The following IGSF23 variants were observed in gnomAD, a reference collection of about 807,000 sequenced individuals.
IGSF23 encodes the protein immunoglobulin superfamily, member 23.
In IGSF23, 14 loss-of-function variants were observed where a neutral mutation model predicts 17.8. The ratio of observed to expected loss-of-function variants is 0.79; its 90% confidence interval spans 0.52 to 1.23. The LOEUF is 1.23. Ranked by LOEUF, IGSF23 falls within the 50% of genes most tolerant of loss-of-function variation. The probability of loss-of-function intolerance (pLI) is 0.00; values close to 1 mark genes in which losing one functional copy is unlikely to be tolerated. For missense variants in IGSF23, 214 were observed against 241.7 expected, an observed-to-expected ratio of 0.89 and a Z score of 0.76; for synonymous variants, 85 against 92.5, an observed-to-expected ratio of 0.92 and a Z score of 0.46.
At chr19:44,633,451 A>G (rs1171499577) in intron 3 of IGSF23, among the ~76,000 whole-genome samples, 4 of 152,222 alleles carry the variant, frequency 2.6e-5, no homozygotes, top group African/African-American at 9.6e-5. Context: ...TGAAGGATAT[A>G]TAATTGTTCT....
At chr19:44,614,313 A>G (rs1258312544) in intron 1 of IGSF23, among the ~76,000 whole-genome samples, 1 of 152,248 alleles carries the variant, frequency 6.6e-6, no homozygotes, top group African/African-American at 2.4e-5. Flanking sequence ...TCACCCCTGC[A>G]ATCCGCAACT....
intron 1 of IGSF23, among the ~76,000 whole-genome samples, chr19:44,615,361 G>A (rs939325623): frequency 2.1e-5 from 3 of 145,136 alleles, no homozygotes; most frequent in Admixed American, 1.4e-4. Flanking sequence ...GGATTACAAA[G>A]TGCTGTAATC....
intron 3 of IGSF23, 35 bp from the exon 4 acceptor site, chr19:44,635,366 C>A: frequency 6.8e-7 from 1 of 1,462,730 alleles, no homozygotes; most frequent in Admixed American, 2.0e-5. Context: ...CTCTCTCTCT[C>A]TCTCTCTCTG....
At position 44,627,577 on chromosome 19, in the gene IGSF23, C is replaced by A; in HGVS notation, c.545+4C>A. 2 of 1,547,368 alleles carry A rather than the reference C, an allele frequency of 1.3e-6. No homozygotes were observed. The highest frequency in any genetic ancestry group is 1.7e-6 in the Non-Finnish European group (2 of 1,144,796). On this transcript the variant is annotated splice_donor_region_variant and intron_variant, in intron 3 of 4. Transcript: ENST00000402988. ...TCATCATCATCCAGAGCCTAAGGTA[C>A]CTCTATCCCTCACCCCCGTCCACTG...
chr19:44,633,459 T>C (rs188933822), intron 3 of IGSF23, among the ~76,000 whole-genome samples: 36 of 152,348 alleles, frequency 2.4e-4, no homozygotes, highest in Middle Eastern at 3.4e-3. Context: ...ATATAATTGT[T>C]CTGGAGTTAG....
chr19:44,628,881 C>T (rs1275500325), intron 3 of IGSF23, among the ~76,000 whole-genome samples: 1 of 152,112 alleles, frequency 6.6e-6, no homozygotes, highest in Non-Finnish European at 1.5e-5. Context: ...GGGAAGGCCT[C>T]CCTGGGACAG....
At chr19:44,629,047 A>G (rs1394580753) in intron 3 of IGSF23, among the ~76,000 whole-genome samples, 1 of 152,126 alleles carries the variant, frequency 6.6e-6, no homozygotes, top group Non-Finnish European at 1.5e-5. Context: ...GAGTGGTGTG[A>G]AGAATGGGCA....
Position 44,634,830 on chromosome 19 carries a change from A to C in IGSF23, c.546-571A>C, listed in dbSNP as rs78781529. Reference sequence around the variant, plus strand: ...AAAGAAAAAAGAAAAAAAAAAAAAAACCCAGGGATGTGATTATACTTCCCT... The same window carrying C: ...AAAGAAAAAAGAAAAAAAAAAAAAACCCCAGGGATGTGATTATACTTCCCT... On this transcript the variant is annotated intron_variant, in intron 3 of 4. Transcript: ENST00000402988. Among the ~76,000 whole-genome samples, 353 of 144,504 alleles carry C rather than the reference A, an allele frequency of 2.4e-3. 2 individuals are homozygous for C. The highest frequency in any genetic ancestry group is 8.9e-3 in the African/African-American group (336 of 37,682). The allele number at this position is 144,504 out of a possible 152,430, so 94.8% of individuals were successfully genotyped here. A position where few individuals can be genotyped will look rare whatever the true frequency, so the allele number is the denominator to read the frequency against.
intron 3 of IGSF23, chr19:44,632,590 A>G (rs117479702): frequency 0.025 from 3,827 of 153,998 alleles, 153 homozygotes; most frequent in East Asian, 0.13. Flanking sequence ...AGGTGTCTTG[A>G]TGGTATCCAA....
chr19:44,616,114 T>G (rs1972370004), intron 1 of IGSF23, among the ~76,000 whole-genome samples: 1 of 151,126 alleles, frequency 6.6e-6, no homozygotes, highest in Non-Finnish European at 1.5e-5. Context: ...ACCTCGAGAG[T>G]GTGACCAGGA....
Position 44,623,965 on chromosome 19 carries a change from G to C in IGSF23, c.384G>C (p.Ser128=). The C allele has an allele frequency of 6.5e-7, 1 of 1,548,426 alleles. No individual in the cohort carries two copies. The highest frequency in any genetic ancestry group is 8.7e-7 in the Non-Finnish European group (1 of 1,146,146). The part of the protein sequence containing the change: ...KQLVSEPVTI[S]LPKPIMQPTE... ...TGGTCTCTGAGCCTGTAACCATCTC[G>C]CTGCCAAGTGAGTCCCCCATTCCAC... is the stretch of plus-strand genomic sequence containing the variant. The change falls in exon 2 of 5, where the codon TCG becomes TCC. Residue 128 remains serine (S), a synonymous_variant. Coordinates refer to ENST00000402988, the MANE Select transcript of IGSF23 (RefSeq NM_001205280.2).
intron 1 of IGSF23, among the ~76,000 whole-genome samples, chr19:44,618,562 T>C (rs1972440346): frequency 6.6e-6 from 1 of 152,272 alleles, no homozygotes; most frequent in South Asian, 2.1e-4. Flanking sequence ...CAATCACTTA[T>C]CTAGCTGGAC....
At chr19:44,614,525 T>TG (rs1388529235) in intron 1 of IGSF23, among the ~76,000 whole-genome samples, 1 of 152,112 alleles carries the variant, frequency 6.6e-6, no homozygotes, top group East Asian at 1.9e-4. Context: ...TTCAACCTGC[T>TG]GGGCTGAAGC....
intron 2 of IGSF23, among the ~76,000 whole-genome samples, chr19:44,626,723 T>G (rs1300205325): frequency 5.3e-5 from 8 of 151,682 alleles, no homozygotes; most frequent in African/African-American, 1.7e-4. Context: ...CATGGTGAAG[T>G]AGATGGTGAA....
chr19:44,614,544 T>C (rs978760409), intron 1 of IGSF23, among the ~76,000 whole-genome samples: 1 of 152,080 alleles, frequency 6.6e-6, no homozygotes, highest in Non-Finnish European at 1.5e-5. Flanking sequence ...GCTGTTCTCC[T>C]GCCTCAGCGT....
At position 44,635,850 on chromosome 19, in the gene IGSF23, A is replaced by G. The variant is rs1263683427; in HGVS notation, c.*31+385A>G. 3.3e-5 allele frequency among the ~76,000 whole-genome samples: 5 copies of G among 152,364 alleles called. No homozygotes were observed. The Middle Eastern group carries it at 0.01, about 311-fold the overall frequency. On this transcript the variant is annotated intron_variant, in intron 4 of 4. Coordinates refer to ENST00000402988, the MANE Select transcript of IGSF23 (RefSeq NM_001205280.2). ...TGCTTTGTAACAAACTGCCTCCCCA[A>G]AATTCACTGGCTTGAAACAACAGCC...
At chr19:44,622,275 G>C (rs974915209) in intron 1 of IGSF23, among the ~76,000 whole-genome samples, 2 of 151,886 alleles carry the variant, frequency 1.3e-5, no homozygotes, top group African/African-American at 4.8e-5. Flanking sequence ...ACACCTAGTG[G>C]GCTCTTTCTC....
At chr19:44,629,646 T>TC (rs1275467715) in intron 3 of IGSF23, among the ~76,000 whole-genome samples, 20 of 149,312 alleles carry the variant, frequency 1.3e-4, no homozygotes, top group South Asian at 1.1e-3. Flanking sequence ...TTTTTTTTTT[T>TC]TTTTTTGAGA....
Position 44,635,479 on chromosome 19 carries a change from G to C in IGSF23, c.*31+14G>C, listed in dbSNP as rs1027137951. ...TCAGCTGAAGAGGTAATACCAGGAA[G>C]GGTGTGAAGGAAATCCTAGGTTTGG... On this transcript the variant is annotated intron_variant, in intron 4 of 4. Coordinates refer to ENST00000402988, the MANE Select transcript of IGSF23 (RefSeq NM_001205280.2). 2 of 1,535,292 alleles carry C rather than the reference G, an allele frequency of 1.3e-6. No individual in the cohort carries two copies. The highest frequency in any genetic ancestry group is 2.7e-5 in the African/African-American group (2 of 72,798).
Sources: gnomAD v4.1 joint callset for allele counts (sites outside exome capture counted in the v4.1 genomes callset) on GRCh38, gnomAD v4.1.1 for gene constraint, MANE v1.5 for transcripts, NCBI Gene and HGNC (gene_info 2026-07-23, HGNC 2026-07-21) for gene names.